NTM: variants seen among roughly 807,000 people sequenced by gnomAD.
The protein encoded by NTM is neurotrimin.
In NTM, 13 loss-of-function variants were observed where a neutral mutation model predicts 42.1. The observed-to-expected ratio is 0.31, with a 90% confidence interval of 0.20 to 0.49. The LOEUF is 0.49. Ranked by LOEUF, NTM falls within the 20% of genes least tolerant of loss-of-function variation. NTM has a pLI of 0.99. For synonymous variants in NTM, 187 were observed against 179.2 expected (o/e 1.04, Z -0.35); for missense variants, 373 against 452.8 (o/e 0.82, Z 1.60).
intron 1 of NTM, among the ~76,000 whole-genome samples, chr11:131,751,245 C>T (rs1565500233): frequency 6.6e-6 from 1 of 151,828 alleles, no homozygotes. Context: ...ACCATCCTGG[C>T]CAACATGGTG....
intron 4 of NTM, among the ~76,000 whole-genome samples, chr11:132,264,636 A>G (rs1484762241): frequency 6.6e-6 from 1 of 152,234 alleles, no homozygotes; most frequent in African/African-American, 2.4e-5. Flanking sequence ...TCTTAAAAAT[A>G]AAGGCAAGAT....
chr11:131,889,708 C>T (rs371204077), intron 1 of NTM, among the ~76,000 whole-genome samples: 120 of 152,144 alleles, frequency 7.9e-4, no homozygotes, highest in African/African-American at 2.3e-3. Flanking sequence ...GGAGAGAATA[C>T]GAACAACAGA....
At chr11:131,566,392 A>T (rs924356751) in intron 1 of NTM, among the ~76,000 whole-genome samples, 14 of 151,504 alleles carry the variant, frequency 9.2e-5, no homozygotes, top group African/African-American at 3.4e-4. Flanking sequence ...GTCTCCCCGT[A>T]CCTGCCACTG....
intron 1 of NTM, among the ~76,000 whole-genome samples, chr11:131,445,189 C>T (rs1447118745): frequency 1.3e-5 from 2 of 152,196 alleles, no homozygotes; most frequent in African/African-American, 2.4e-5. Context: ...ACACTGCATG[C>T]TTCTGAGAGC....
At chr11:132,048,428 G>A (rs2078333650) in intron 2 of NTM, among the ~76,000 whole-genome samples, 1 of 152,186 alleles carries the variant, frequency 6.6e-6, no homozygotes, top group Admixed American at 6.5e-5. Context: ...GAATAGAGGG[G>A]CCAGTACTTC....
intron 1 of NTM, among the ~76,000 whole-genome samples, chr11:131,876,353 GCCC>G (rs1213051227): frequency 6.6e-6 from 1 of 152,138 alleles, no homozygotes; most frequent in African/African-American, 2.4e-5. Flanking sequence ...GCTGCCGGAG[GCCC>G]ACTGGGTCTC....
chr11:132,262,671 C>T lies in NTM; in HGVS notation c.527-45018C>T, dbSNP rs536666150. On this transcript the variant is annotated intron_variant, in intron 4 of 8. Transcript: ENST00000683400. ...CAAATGCCTCATCTCCTAATACCATCACAATGAGGATTAGGTCTTCAACAT... is the reference window on the plus strand; with the variant it reads ...CAAATGCCTCATCTCCTAATACCATTACAATGAGGATTAGGTCTTCAACAT... Among the ~76,000 whole-genome samples the T allele has an allele frequency of 1.0e-3, 153 of 152,294 alleles. 1 individual carries two copies. The highest frequency in any genetic ancestry group is 3.7e-3 in the African/African-American group (153 of 41,562).
intron 1 of NTM, among the ~76,000 whole-genome samples, chr11:131,714,484 A>C (rs879299665): frequency 1.7e-4 from 26 of 152,050 alleles, no homozygotes; most frequent in Non-Finnish European, 3.5e-4. Context: ...AGCCACCACA[A>C]CCAGCCAAGA....
chr11:132,003,247 G>GTTTTTTTTTTTTTTTT lies in NTM; in HGVS notation c.167+91608_167+91609insTTTTTTTTTTTTTTTT, dbSNP rs57360845. Among the ~76,000 whole-genome samples, 1 of 145,330 alleles carries GTTTTTTTTTTTTTTTT rather than the reference G, an allele frequency of 6.9e-6. No individual in the cohort carries two copies. ...GGATTCCTCCACCCACACCCTTAGA[G>GTTTTTTTTTTTTTTTT]TTTTTTTTTCTTTTTTTTTTTTGAC... On this transcript the variant is annotated intron_variant, in intron 2 of 8. Coordinates refer to ENST00000683400, the MANE Select transcript of NTM (RefSeq NM_001352005.2). This position sits in a 1 kb window ranked among gnomAD's most constrained non-coding sequence, Gnocchi z 6.0.
intron 1 of NTM, among the ~76,000 whole-genome samples, chr11:131,681,361 CTGTG>C (rs1303071521): frequency 0.026 from 189 of 7,282 alleles, 16 homozygotes; most frequent in African/African-American, 0.11. Context: ...GTATGTCTCC[CTGTG>C]TGTGTGAGCA....
chr11:131,419,155 AAAACAAACAAAC>A (rs71475754), intron 1 of NTM, among the ~76,000 whole-genome samples: 9 of 150,898 alleles, frequency 6.0e-5, no homozygotes, highest in East Asian at 2.0e-4. Flanking sequence ...ACCTTGGTTA[AAAACAAACAAAC>A]AAACAAACAA....
intron 4 of NTM, among the ~76,000 whole-genome samples, chr11:132,216,353 T>A (rs1235596521): frequency 6.6e-6 from 1 of 152,176 alleles, no homozygotes; most frequent in Non-Finnish European, 1.5e-5. Flanking sequence ...GAGCCCAAAA[T>A]GAAACTCAGG....
intron 4 of NTM, among the ~76,000 whole-genome samples, chr11:132,250,578 G>C (rs1300779710): frequency 1.3e-5 from 2 of 149,454 alleles, no homozygotes; most frequent in Admixed American, 6.6e-5. Flanking sequence ...TCATCTCTTT[G>C]TCTCTTCACA....
At chr11:131,555,698 C>G (rs2055315169) in intron 1 of NTM, among the ~76,000 whole-genome samples, 1 of 152,192 alleles carries the variant, frequency 6.6e-6, no homozygotes, top group Non-Finnish European at 1.5e-5. Context: ...AAGAACATTT[C>G]TAGCTCTTGC....
At chr11:131,381,194 G>C (rs1942632034) in intron 1 of NTM, among the ~76,000 whole-genome samples, 1 of 152,162 alleles carries the variant, frequency 6.6e-6, no homozygotes. Context: ...AGGGAAGGTT[G>C]AACCTAAGAA....
At chr11:131,601,728 TG>T (rs1565691826) in intron 1 of NTM, among the ~76,000 whole-genome samples, 1 of 152,212 alleles carries the variant, frequency 6.6e-6, no homozygotes, top group Admixed American at 6.5e-5. Context: ...AATTGTGGCC[TG>T]TGTCTGACTC....
intron 1 of NTM, among the ~76,000 whole-genome samples, chr11:131,514,617 T>C (rs745565796): frequency 4.6e-5 from 7 of 152,114 alleles, no homozygotes; most frequent in Non-Finnish European, 7.4e-5. Context: ...TCTCACTCTT[T>C]CTCCCAGGCT....
intron 1 of NTM, among the ~76,000 whole-genome samples, chr11:131,391,338 G>C (rs1357735848): frequency 1.3e-5 from 2 of 151,954 alleles, no homozygotes; most frequent in Non-Finnish European, 2.9e-5. Context: ...AGCCTGGCAG[G>C]GCCCCAGCTC....
intron 2 of NTM, among the ~76,000 whole-genome samples, chr11:131,986,633 T>A (rs2066112073): frequency 2.0e-5 from 3 of 152,236 alleles, no homozygotes; most frequent in Admixed American, 6.5e-5. Context: ...CTTATACTCC[T>A]ATTTTAACAT....
Sources: allele counts gnomAD v4.1 joint callset (sites outside exome capture counted in the v4.1 genomes callset), GRCh38; gene constraint gnomAD v4.1.1; non-coding constraint Gnocchi (gnomAD v3.1); transcripts MANE v1.5; gene names NCBI Gene and HGNC (gene_info 2026-07-23, HGNC 2026-07-21).